Variants in SCFD2 observed in about 807,000 individuals in gnomAD.
SCFD2 encodes the protein sec1 family domain-containing protein 2.
SCFD2 carries 54 observed loss-of-function variants against 58.9 expected under a neutral mutation model. That is an observed-to-expected ratio of 0.92 (90% CI 0.74 to 1.15). SCFD2 has a LOEUF of 1.15. Among genes scored for constraint, SCFD2 ranks in the 50% most tolerant of loss-of-function variants. The probability of loss-of-function intolerance (pLI) is 0.00; values close to 1 mark genes in which losing one functional copy is unlikely to be tolerated. For missense variants in SCFD2, 805 were observed against 836.6 expected (o/e 0.96, Z 0.47); for synonymous variants, 321 against 335.9 (o/e 0.96, Z 0.49).
chr4:53,292,666 A>G (rs908373559), intron 3 of SCFD2, among the ~76,000 whole-genome samples: 22 of 152,236 alleles, frequency 1.4e-4, no homozygotes, highest in African/African-American at 4.8e-4. Context: ...ACCTAGAACC[A>G]GAAATACCAT....
intron 5 of SCFD2, among the ~76,000 whole-genome samples, chr4:53,076,012 A>T (rs1232213404): frequency 6.6e-6 from 1 of 152,232 alleles, no homozygotes; most frequent in African/African-American, 2.4e-5. Context: ...GTGAAGCTCC[A>T]TAAAACAAAG....
At chr4:53,042,280 T>C (rs1357728561) in intron 5 of SCFD2, among the ~76,000 whole-genome samples, 1 of 152,194 alleles carries the variant, frequency 6.6e-6, no homozygotes, top group East Asian at 1.9e-4. Flanking sequence ...TCTGCTATTA[T>C]AGACATTTAT....
intron 4 of SCFD2, among the ~76,000 whole-genome samples, chr4:53,153,485 A>G (rs1476482873): frequency 6.6e-6 from 1 of 152,346 alleles, no homozygotes; most frequent in Middle Eastern, 3.4e-3. Flanking sequence ...TGCATAGGGC[A>G]GTGGGGCCTC....
intron 5 of SCFD2, among the ~76,000 whole-genome samples, chr4:52,988,600 C>T (rs1377041372): frequency 1.3e-5 from 2 of 152,104 alleles, no homozygotes; most frequent in African/African-American, 4.8e-5. Flanking sequence ...TCTGGATCCC[C>T]CTTAATTCGT....
At position 53,099,081 on chromosome 4, in the gene SCFD2, C is replaced by T. The variant is rs1257952635; in HGVS notation, c.1561+46252G>A. On this transcript the variant is annotated intron_variant, in intron 5 of 8. Coordinates refer to ENST00000401642, the MANE Select transcript of SCFD2 (RefSeq NM_152540.4). ...CAAACACCCAGAACAGTGTCTGGCGCTCAGTAAGTATTCAAAAACTGTTTG... is the reference window on the plus strand; with the variant it reads ...CAAACACCCAGAACAGTGTCTGGCGTTCAGTAAGTATTCAAAAACTGTTTG... Among the ~76,000 whole-genome samples, 6 of 152,280 alleles carry T rather than the reference C, an allele frequency of 3.9e-5. No individual in the cohort carries two copies. In the East Asian group the frequency reaches 1.2e-3, roughly 29 times the overall value.
intron 5 of SCFD2, among the ~76,000 whole-genome samples, chr4:53,032,850 C>T (rs1414102203): frequency 6.6e-6 from 1 of 152,128 alleles, no homozygotes; most frequent in Non-Finnish European, 1.5e-5. Flanking sequence ...GAGACTTAGA[C>T]TCCCACACAA....
At chr4:52,943,590 G>A (rs1410367690) in intron 5 of SCFD2, among the ~76,000 whole-genome samples, 1 of 152,130 alleles carries the variant, frequency 6.6e-6, no homozygotes, top group Non-Finnish European at 1.5e-5. Context: ...AACAGGAAGG[G>A]CAAGAGAAAA....
At chr4:53,094,758 AC>A (rs1477087504) in intron 5 of SCFD2, among the ~76,000 whole-genome samples, 1 of 151,698 alleles carries the variant, frequency 6.6e-6, no homozygotes, top group Non-Finnish European at 1.5e-5. Context: ...TTCAGCAACC[AC>A]CCTATTTTCT....
At chr4:53,190,321 G>A (rs1727855355) in intron 4 of SCFD2, among the ~76,000 whole-genome samples, 2 of 152,148 alleles carry the variant, frequency 1.3e-5, no homozygotes, top group African/African-American at 4.8e-5. Context: ...GGCCCTACAG[G>A]CTCTGTTTGA....
At chr4:53,008,956 T>C (rs1722037784) in intron 5 of SCFD2, among the ~76,000 whole-genome samples, 1 of 152,214 alleles carries the variant, frequency 6.6e-6, no homozygotes, top group Admixed American at 6.5e-5. Flanking sequence ...TGTGTGATCC[T>C]GACAGAACAA....
chr4:53,007,203 C>T (rs1463545973), intron 5 of SCFD2, among the ~76,000 whole-genome samples: 2 of 150,592 alleles, frequency 1.3e-5, no homozygotes, highest in African/African-American at 4.9e-5. Flanking sequence ...TGCTTGAGCC[C>T]GGGAGTTTAA....
At chr4:53,313,843 A>T in intron 2 of SCFD2, 80 bp from the exon 3 acceptor site, 3 of 1,396,436 alleles carry the variant, frequency 2.1e-6, no homozygotes, top group Middle Eastern at 3.7e-4. Flanking sequence ...ATACTTTTTA[A>T]AATATATTTT....
intron 4 of SCFD2, among the ~76,000 whole-genome samples, chr4:53,177,630 G>A (rs527404860): frequency 2.0e-5 from 3 of 152,294 alleles, no homozygotes; most frequent in Non-Finnish European, 2.9e-5. Flanking sequence ...CTGAGGTACC[G>A]GGTTCATCTC....
intron 5 of SCFD2, among the ~76,000 whole-genome samples, chr4:53,044,089 G>A (rs1577681253): frequency 6.6e-6 from 1 of 152,112 alleles, no homozygotes; most frequent in Non-Finnish European, 1.5e-5. Context: ...TTGAGATGGG[G>A]CCACAGTCCT....
At chr4:53,178,331 T>G (rs1486841176) in intron 4 of SCFD2, among the ~76,000 whole-genome samples, 6 of 152,172 alleles carry the variant, frequency 3.9e-5, no homozygotes, top group African/African-American at 1.2e-4. Context: ...CAGCAACATC[T>G]GCGGTTCACC....
At chr4:53,205,858 TC>T (rs1728390619) in intron 4 of SCFD2, among the ~76,000 whole-genome samples, 1 of 141,184 alleles carries the variant, frequency 7.1e-6, no homozygotes, top group Non-Finnish European at 1.5e-5. Context: ...CGAGACTGTC[TC>T]AAAAAAAAAA....
intron 2 of SCFD2, among the ~76,000 whole-genome samples, chr4:53,332,969 G>T (rs199527470): frequency 0.58 from 87,021 of 149,270 alleles, 25,497 homozygotes; most frequent in Middle Eastern, 0.66. Flanking sequence ...CAAACAGAGA[G>T]CCAAATCATG....
chr4:53,277,138 A>C (rs1278578298), intron 3 of SCFD2, among the ~76,000 whole-genome samples: 1 of 152,210 alleles, frequency 6.6e-6, no homozygotes, highest in African/African-American at 2.4e-5. Context: ...ACAAATCCAG[A>C]CAAAAACCCC....
intron 3 of SCFD2, among the ~76,000 whole-genome samples, chr4:53,285,192 TAC>T (rs1217585832): frequency 2.6e-5 from 4 of 152,198 alleles, no homozygotes; most frequent in Non-Finnish European, 5.9e-5. Flanking sequence ...CAGAAACATT[TAC>T]AGTTTAGCTT....
Sources: gnomAD v4.1 joint callset for allele counts (sites outside exome capture counted in the v4.1 genomes callset) on GRCh38, gnomAD v4.1.1 for gene constraint, MANE v1.5 for transcripts, NCBI Gene and HGNC (gene_info 2026-07-23, HGNC 2026-07-21) for gene names.